KLHL29: variants seen among roughly 807,000 people sequenced by gnomAD.
KLHL29 encodes kelch-like protein 29.
In KLHL29, 21 loss-of-function variants were observed where a neutral mutation model predicts 80.4. The ratio of observed to expected loss-of-function variants is 0.26; its 90% CI spans 0.19 to 0.38. KLHL29 has a LOEUF of 0.38. Among genes scored for constraint, KLHL29 ranks in the 10% least tolerant of loss-of-function variants. The pLI is 1.00. For synonymous variants in KLHL29, 511 were observed against 526.8 expected, an observed-to-expected ratio of 0.97 and a Z score of 0.41; for missense variants, 867 against 1,223.9, an observed-to-expected ratio of 0.71 and a Z score of 4.35.
At chr2:23,475,499 A>G (rs1248364220) in intron 1 of KLHL29, 61 bp from the exon 2 acceptor site, 1 of 164,056 alleles carries the variant, frequency 6.1e-6, no homozygotes, top group Non-Finnish European at 1.5e-5. Context: ...AAAAAAAAGA[A>G]AAGAAAAAAA....
intron 1 of KLHL29, among the ~76,000 whole-genome samples, chr2:23,399,559 G>A (rs1168246656): frequency 6.6e-6 from 1 of 152,168 alleles, no homozygotes; most frequent in East Asian, 1.9e-4. Context: ...GCATTGCATT[G>A]CGTTTATTTA....
chr2:23,520,286 C>G (rs1453771080), intron 2 of KLHL29, among the ~76,000 whole-genome samples: 2 of 152,078 alleles, frequency 1.3e-5, no homozygotes, highest in Non-Finnish European at 2.9e-5. Flanking sequence ...GGCTTGGCCT[C>G]TGCGCTTTCA....
chr2:23,455,009 G>GT (rs35943241), intron 1 of KLHL29, among the ~76,000 whole-genome samples: 14 of 96,054 alleles, frequency 1.5e-4, no homozygotes, highest in South Asian at 8.3e-4. Flanking sequence ...GTTGGGGGGG[G>GT]GGCATTTATT....
rs1485446259 is a variant in KLHL29, at chr2:23,680,264, A to G, written c.941-4135A>G. On this transcript the variant is annotated intron_variant, in intron 5 of 13. Coordinates refer to ENST00000486442, the MANE Select transcript of KLHL29 (RefSeq NM_052920.2). This position sits in a 1 kb window ranked among gnomAD's most constrained non-coding sequence, Gnocchi z 4.1. ...ACTTGGTGTGATGAGGGAGGGGAGG[A>G]GTCTGGGGAAGGCCTGCGGATTGCG... is the stretch of plus-strand genomic sequence containing the variant. Among the ~76,000 whole-genome samples the G allele has an allele frequency of 1.3e-5, 2 of 151,840 alleles. No homozygotes were observed. The highest frequency in any genetic ancestry group is 4.8e-5 in the African/African-American group (2 of 41,306).
chr2:23,536,862 C>G (rs989921118), intron 2 of KLHL29, among the ~76,000 whole-genome samples: 4 of 151,222 alleles, frequency 2.6e-5, no homozygotes, highest in African/African-American at 9.8e-5. Context: ...GGTTCCCTTC[C>G]TACTAACGAA....
intron 2 of KLHL29, among the ~76,000 whole-genome samples, chr2:23,556,211 G>A (rs1239600661): frequency 1.3e-5 from 2 of 152,128 alleles, no homozygotes; most frequent in African/African-American, 4.8e-5. Context: ...TGTGTGCAGT[G>A]TCCAGGCTCC....
intron 1 of KLHL29, among the ~76,000 whole-genome samples, chr2:23,414,339 G>T (rs1666936835): frequency 6.6e-6 from 1 of 151,696 alleles, no homozygotes; most frequent in African/African-American, 2.4e-5. Flanking sequence ...GGGCCGCGCA[G>T]ACGGATGTGT....
intron 2 of KLHL29, among the ~76,000 whole-genome samples, chr2:23,502,915 T>C (rs930445203): frequency 6.6e-6 from 1 of 152,212 alleles, no homozygotes; most frequent in South Asian, 2.1e-4. Flanking sequence ...ACTGGCTTGG[T>C]TACTAAAATT....
intron 1 of KLHL29, among the ~76,000 whole-genome samples, chr2:23,473,198 A>C (rs1201772047): frequency 6.6e-6 from 1 of 152,050 alleles, no homozygotes; most frequent in Non-Finnish European, 1.5e-5. Flanking sequence ...CCAACAGTCA[A>C]CCCTGACCCT....
intron 3 of KLHL29, among the ~76,000 whole-genome samples, chr2:23,568,969 C>A (rs1421356916): frequency 6.6e-6 from 1 of 152,162 alleles, no homozygotes; most frequent in African/African-American, 2.4e-5. Context: ...AGACACCCAG[C>A]AAGGATTGTG....
chr2:23,695,100 G>A lies in KLHL29; in HGVS notation c.1543-523G>A, dbSNP rs1020001815. Among the ~76,000 whole-genome samples the A allele has an allele frequency of 2.0e-5, 3 of 152,132 alleles. No homozygotes were observed. Among genetic ancestry groups the A allele is most frequent in the Admixed American group, 1.3e-4 (2 of 15,276 alleles). ...CAGTGCAGGGTGACAGTTTGAGGCC[G>A]TGGGACATGGGACACCACTGAAAGT... is the stretch of plus-strand genomic sequence containing the variant. On this transcript the variant is annotated intron_variant, in intron 8 of 13. Coordinates refer to ENST00000486442, the MANE Select transcript of KLHL29 (RefSeq NM_052920.2). The surrounding 1 kb of genome is among the most constrained non-coding windows in gnomAD (Gnocchi z 7.6).
intron 1 of KLHL29, among the ~76,000 whole-genome samples, chr2:23,422,094 A>C (rs887689644): frequency 2.1e-5 from 3 of 142,824 alleles, no homozygotes; most frequent in African/African-American, 7.9e-5. Context: ...TGCTGTCTGT[A>C]TGTTTGTGTG....
chr2:23,685,794 G>C (rs1671229797), intron 6 of KLHL29, among the ~76,000 whole-genome samples: 1 of 152,230 alleles, frequency 6.6e-6, no homozygotes, highest in African/African-American at 2.4e-5. Flanking sequence ...ACCAGGCCAG[G>C]GAGGACTCTG....
At chr2:23,545,745 A>G (rs1666964924) in intron 2 of KLHL29, among the ~76,000 whole-genome samples, 1 of 152,168 alleles carries the variant, frequency 6.6e-6, no homozygotes, top group African/African-American at 2.4e-5. Flanking sequence ...GTGCCAGCCC[A>G]GTCCTCTTCT....
intron 1 of KLHL29, among the ~76,000 whole-genome samples, chr2:23,427,569 A>C (rs1457054505): frequency 6.6e-6 from 1 of 152,192 alleles, no homozygotes; most frequent in Non-Finnish European, 1.5e-5. Context: ...TTTCATCATC[A>C]CAGCAAAATT....
At chr2:23,456,520 C>G (rs1664055234) in intron 1 of KLHL29, among the ~76,000 whole-genome samples, 1 of 152,264 alleles carries the variant, frequency 6.6e-6, no homozygotes, top group African/African-American at 2.4e-5. Flanking sequence ...AGAACTAAAT[C>G]TGAAACGTCT....
At chr2:23,585,464 G>T (rs1201218346) in intron 3 of KLHL29, among the ~76,000 whole-genome samples, 1 of 152,156 alleles carries the variant, frequency 6.6e-6, no homozygotes, top group African/African-American at 2.4e-5. Flanking sequence ...TTAACAGATG[G>T]ACTGCCGGCT....
chr2:23,520,992 A>ACCCCCC lies in KLHL29; in HGVS notation c.-45-41154_-45-41149dup, dbSNP rs33915683. 1.8e-3 allele frequency among the ~76,000 whole-genome samples: 162 copies of ACCCCCC among 91,210 alleles called. 2 individuals carry two copies. Among genetic ancestry groups the ACCCCCC allele is most frequent in the African/African-American group, 5.5e-3 (154 of 28,186 alleles). 59.8% of individuals were successfully genotyped at this position (91,210 alleles called of 152,430 possible). On this transcript the variant is annotated intron_variant, in intron 2 of 13. Transcript: ENST00000486442. ...TTACTGCTTTCATTTTACAAAGACC[A>ACCCCCC]CCCCCCCCCCCGCTCCCCCTCAGGG...
At chr2:23,566,206 A>G (rs947002836) in intron 3 of KLHL29, among the ~76,000 whole-genome samples, 1 of 152,254 alleles carries the variant, frequency 6.6e-6, no homozygotes, top group Non-Finnish European at 1.5e-5. Context: ...CTGCTGAAGT[A>G]CAGGGAGGGT....
Sources: gnomAD v4.1 joint callset for allele counts (sites outside exome capture counted in the v4.1 genomes callset) on GRCh38, gnomAD v4.1.1 for gene constraint, Gnocchi (gnomAD v3.1) non-coding constraint, MANE v1.5 for transcripts, NCBI Gene and HGNC (gene_info 2026-07-23, HGNC 2026-07-21) for gene names.